The following PRDM11 variants were observed in gnomAD, a reference collection of about 807,000 sequenced individuals.
The protein encoded by PRDM11 is PR domain-containing protein 11.
In PRDM11, 20 loss-of-function variants were observed where a neutral mutation model predicts 97.8. The ratio of observed to expected loss-of-function variants is 0.20; its 90% CI spans 0.14 to 0.30. The LOEUF (loss-of-function observed/expected upper bound fraction) is 0.30. Among genes scored for constraint, PRDM11 ranks in the 10% least tolerant of loss-of-function variants. The probability of loss-of-function intolerance (pLI) is 1.00; values close to 1 mark genes in which losing one functional copy is unlikely to be tolerated. For synonymous variants in PRDM11, 599 were observed against 637.7 expected (o/e 0.94, Z 0.91); for missense variants, 1,139 against 1,555.2 (o/e 0.73, Z 4.50).
At chr11:45,103,923 G>A (rs61074942) in intron 1 of PRDM11, among the ~76,000 whole-genome samples, 22,681 of 152,014 alleles carry the variant, frequency 0.15, 2,219 homozygotes, top group African/African-American at 0.27. Context: ...CATTGAGGGC[G>A]ATGGTTATCC....
chr11:45,170,204 G>A (rs941486962), intron 1 of PRDM11, among the ~76,000 whole-genome samples: 20 of 152,118 alleles, frequency 1.3e-4, no homozygotes, highest in Admixed American at 1.2e-3. Flanking sequence ...TTAGCCAGGC[G>A]TGGTGACAGG....
rs191721257 is a variant in PRDM11, at chr11:45,152,748, G to A, written c.-7+5871G>A. Among the ~76,000 whole-genome samples the A allele has an allele frequency of 4.6e-5, 7 of 152,346 alleles. No homozygotes were observed. In the East Asian group the frequency reaches 1.3e-3, roughly 29 times the overall value. The stretch of plus-strand genomic sequence containing the variant: ...TAGGAAACTGAGACTCAGAGAGGTA[G>A]CATCACTTGCCCACAGTTTCACAGT... On this transcript the variant is annotated intron_variant, in intron 1 of 7. Coordinates refer to ENST00000683152, the MANE Select transcript of PRDM11 (RefSeq NM_001384648.1).
chr11:45,127,275 G>C (rs1852595876), intron 1 of PRDM11, among the ~76,000 whole-genome samples: 1 of 152,114 alleles, frequency 6.6e-6, no homozygotes, highest in South Asian at 2.1e-4. Context: ...TTTGCCATTG[G>C]TTTGAATTTC....
At chr11:45,136,770 T>C (rs1837771811) in intron 1 of PRDM11, among the ~76,000 whole-genome samples, 1 of 152,018 alleles carries the variant, frequency 6.6e-6, no homozygotes, top group Non-Finnish European at 1.5e-5. Flanking sequence ...ACCATAGTCC[T>C]TTCCTAGAGC....
At chr11:45,101,290 G>A (rs971276257) in intron 1 of PRDM11, among the ~76,000 whole-genome samples, 2 of 152,258 alleles carry the variant, frequency 1.3e-5, no homozygotes, top group African/African-American at 4.8e-5. Flanking sequence ...CCGGTCATGG[G>A]CTCACGCCTG....
intron 1 of PRDM11, among the ~76,000 whole-genome samples, chr11:45,132,934 G>A (rs775417312): frequency 6.6e-6 from 1 of 152,112 alleles, no homozygotes; most frequent in Non-Finnish European, 1.5e-5. Flanking sequence ...ATCTTGCTGT[G>A]GAAAGAGGAG....
rs1852180545 is a variant in PRDM11, at chr11:45,111,507, A to G, written c.96+15606A>G. On this transcript the variant is annotated intron_variant, in intron 1 of 6. Transcript: ENST00000530656. ...GAATGGCCATGTGAACACTCAGTTA[A>G]GGTTCTGCTTGAGAGACAATGGCCT... 2.0e-5 allele frequency among the ~76,000 whole-genome samples: 3 copies of G among 152,158 alleles called. No individual in the cohort carries two copies. The South Asian group carries it at 6.2e-4, about 32-fold the overall frequency.
At chr11:45,190,170 G>A (rs919712776) in intron 4 of PRDM11, among the ~76,000 whole-genome samples, 4 of 149,324 alleles carry the variant, frequency 2.7e-5, no homozygotes, top group African/African-American at 4.9e-5. Context: ...TTCTTGAGAT[G>A]GAGTCTCACT....
intron 1 of PRDM11, among the ~76,000 whole-genome samples, chr11:45,173,429 C>G (rs748644753): frequency 1.3e-5 from 2 of 152,018 alleles, no homozygotes; most frequent in Non-Finnish European, 2.9e-5. Flanking sequence ...CAAGACCAAC[C>G]TGGTCAACAT....
At chr11:45,205,222 T>C (rs970364708) in intron 5 of PRDM11, among the ~76,000 whole-genome samples, 2 of 152,220 alleles carry the variant, frequency 1.3e-5, no homozygotes, top group Non-Finnish European at 2.9e-5. Flanking sequence ...AGCTCAGTTT[T>C]TGACAGTGTT....
At chr11:45,121,234 C>T (rs1420441325) in intron 1 of PRDM11, among the ~76,000 whole-genome samples, 5 of 151,494 alleles carry the variant, frequency 3.3e-5, no homozygotes, top group South Asian at 2.1e-4. Flanking sequence ...TCAGATTGAA[C>T]TAAAAAAACA....
chr11:45,157,312 C>T lies in PRDM11; in HGVS notation c.-7+10435C>T, dbSNP rs577482219. Among the ~76,000 whole-genome samples, 20 of 152,232 alleles carry T rather than the reference C, an allele frequency of 1.3e-4. No homozygotes were observed. The East Asian group carries it at 3.3e-3, about 25-fold the overall frequency. The stretch of plus-strand genomic sequence containing the variant: ...GTTCCACCTCGGATCATCAGGCATT[C>T]GTTCAATTCTCAAAGGAGCACACTC... On this transcript the variant is annotated intron_variant, in intron 1 of 7. Transcript: ENST00000683152.
intron 1 of PRDM11, among the ~76,000 whole-genome samples, chr11:45,176,340 G>A (rs1852327885): frequency 6.6e-6 from 1 of 152,134 alleles, no homozygotes; most frequent in Non-Finnish European, 1.5e-5. Flanking sequence ...TCGTGCCATT[G>A]TACTCCAGCC....
chr11:45,178,594 C>T (rs555172771), intron 1 of PRDM11, among the ~76,000 whole-genome samples: 5 of 152,296 alleles, frequency 3.3e-5, no homozygotes, highest in African/African-American at 1.2e-4. Context: ...TTGAGATTCC[C>T]AATGGGACCA....
At chr11:45,134,701 GAAAAAAAA>G (rs1191008824) in intron 1 of PRDM11, among the ~76,000 whole-genome samples, 587 of 44,292 alleles carry the variant, frequency 0.013, 8 homozygotes, top group African/African-American at 0.06. Flanking sequence ...CCTGTCTCAC[GAAAAAAAA>G]AAAAAAAAAA....
At chr11:45,106,718 C>T (rs1275785758) in intron 1 of PRDM11, among the ~76,000 whole-genome samples, 1 of 152,210 alleles carries the variant, frequency 6.6e-6, no homozygotes. Context: ...CTGCTCCACT[C>T]CACGTGGTCT....
chr11:45,160,981 C>T (rs968269988), intron 1 of PRDM11, among the ~76,000 whole-genome samples: 5 of 152,082 alleles, frequency 3.3e-5, no homozygotes, highest in Admixed American at 1.3e-4. Flanking sequence ...CTTTGTGTGA[C>T]GTCTCTCTTG....
In PRDM11 at chr11:45,204,696, T is replaced by TTC. The variant is rs1468595204; in HGVS notation, c.487-11_487-10dup. The TTC allele has an allele frequency of 6.2e-7, 1 of 1,607,434 alleles. No homozygotes were observed. The stretch of plus-strand genomic sequence containing the variant: ...TCTAGAATGGCCCATCCTAGACTCT[T>TTC]TCTCTTTCTTCCAGATTGTGGACAA... On this transcript the variant is annotated splice_polypyrimidine_tract_variant and intron_variant, in intron 4 of 7. Coordinates refer to ENST00000683152, the MANE Select transcript of PRDM11 (RefSeq NM_001384648.1).
chr11:45,108,305 C>T (rs1852100254), intron 1 of PRDM11, among the ~76,000 whole-genome samples: 1 of 152,210 alleles, frequency 6.6e-6, no homozygotes, highest in Non-Finnish European at 1.5e-5. Context: ...TACGTGGGAT[C>T]CCCGTGTCTC....
Sources: allele counts gnomAD v4.1 joint callset (sites outside exome capture counted in the v4.1 genomes callset), GRCh38; gene constraint gnomAD v4.1.1; transcripts MANE v1.5; gene names NCBI Gene and HGNC (gene_info 2026-07-23, HGNC 2026-07-21).